The following TEAD4 variants were observed in gnomAD, a reference collection of about 807,000 sequenced individuals.
TEAD4 encodes TEA domain transcription factor 4, also known as transcriptional enhancer factor TEF-3.
TEAD4 carries 36 observed loss-of-function variants against 52.4 expected under a neutral mutation model. That is an observed-to-expected ratio of 0.69 (90% CI 0.53 to 0.91). The LOEUF (loss-of-function observed/expected upper bound fraction) is 0.91, where lower values mean the gene tolerates loss of function less well. Ranked by LOEUF, TEAD4 falls within the 40% of genes least tolerant of loss-of-function variation. The probability of loss-of-function intolerance (pLI) is 0.00; values close to 1 mark genes in which losing one functional copy is unlikely to be tolerated. For missense variants in TEAD4, 508 were observed against 583.9 expected, an observed-to-expected ratio of 0.87 and a Z score of 1.34; for synonymous variants, 220 against 231.0, an observed-to-expected ratio of 0.95 and a Z score of 0.43.
At chr12:2,982,067 C>T (rs891785246) in intron 2 of TEAD4, among the ~76,000 whole-genome samples, 2 of 152,026 alleles carry the variant, frequency 1.3e-5, no homozygotes, top group Non-Finnish European at 2.9e-5. Flanking sequence ...AGGGAGAGGA[C>T]GTCAGGTTGG....
intron 2 of TEAD4, among the ~76,000 whole-genome samples, chr12:2,992,833 G>A (rs2098244254): frequency 6.6e-6 from 1 of 152,134 alleles, no homozygotes; most frequent in Non-Finnish European, 1.5e-5. Context: ...TAAGATTACT[G>A]GTATGTCCTG....
intron 2 of TEAD4, among the ~76,000 whole-genome samples, chr12:2,986,906 A>G (rs1241702062): frequency 6.6e-6 from 1 of 152,174 alleles, no homozygotes; most frequent in Admixed American, 6.5e-5. Context: ...TTTCAGCTCC[A>G]TTATCATCTT....
chr12:3,011,057 A>C lies in TEAD4; in HGVS notation c.280A>C (p.Thr94Pro). The C allele has an allele frequency of 6.2e-7, 1 of 1,614,050 alleles. No homozygotes were observed. Among genetic ancestry groups the C allele is most frequent in the Non-Finnish European group, 8.5e-7 (1 of 1,179,984 alleles). Residue 94 changes from threonine to proline, a missense_variant, in exon 4 of 13, where the codon ACC becomes CCC. By Grantham distance (38) the Thr-to-Pro change is conservative (BLOSUM62 -1). Coordinates refer to ENST00000359864, the MANE Select transcript of TEAD4 (RefSeq NM_003213.4). ...CAAGCTCCGGACAGGGAAGACCCGC[A>C]CCAGGAAGCAGGTGGGCCTCAAGAG...
intron 2 of TEAD4, among the ~76,000 whole-genome samples, chr12:2,988,337 AC>A (rs556871168): frequency 6.6e-6 from 1 of 151,796 alleles, no homozygotes; most frequent in African/African-American, 2.4e-5. Flanking sequence ...ACATGGCGAA[AC>A]CCCGTCCCTA....
chr12:2,988,378 G>A (rs1324259649), intron 2 of TEAD4, among the ~76,000 whole-genome samples: 6 of 151,190 alleles, frequency 4.0e-5, no homozygotes, highest in African/African-American at 1.5e-4. Flanking sequence ...AATTAGCCGG[G>A]TGAGGTGGCG....
chr12:2,966,491 A>G lies in TEAD4; in HGVS notation c.-30+6451A>G, dbSNP rs541299460. Among the ~76,000 whole-genome samples the G allele has an allele frequency of 2.0e-5, 3 of 150,630 alleles. No homozygotes were observed. In the South Asian group the frequency reaches 6.3e-4, roughly 32 times the overall value. ...AGTGGCGTGATCTTGGCTCACTGCA[A>G]CCTCTGCCTCCTGGGTTCAAGCAAT... On this transcript the variant is annotated intron_variant, in intron 2 of 12. Transcript: ENST00000359864.
At chr12:2,966,934 C>T (rs1446784737) in intron 2 of TEAD4, among the ~76,000 whole-genome samples, 1 of 151,998 alleles carries the variant, frequency 6.6e-6, no homozygotes, top group Non-Finnish European at 1.5e-5. Flanking sequence ...CTTGAACTCC[C>T]GACCTCAGGC....
At chr12:3,008,746 C>G (rs1055534927) in intron 3 of TEAD4, among the ~76,000 whole-genome samples, 20 of 152,146 alleles carry the variant, frequency 1.3e-4, no homozygotes, top group Admixed American at 1.1e-3. Context: ...TGAATGGAGG[C>G]ATAGTCTCTT....
intron 10 of TEAD4, among the ~76,000 whole-genome samples, chr12:3,033,941 G>A (rs1479711590): frequency 6.8e-6 from 1 of 147,884 alleles, no homozygotes; most frequent in African/African-American, 2.7e-5. Context: ...CTGAGGACGA[G>A]TCGAGGTGCT....
At chr12:2,965,320 G>C (rs1591550819) in intron 2 of TEAD4, among the ~76,000 whole-genome samples, 1 of 151,394 alleles carries the variant, frequency 6.6e-6, no homozygotes, top group East Asian at 2.0e-4. Flanking sequence ...ACCACACCTG[G>C]CTAATTTGTA....
chr12:2,983,315 G>A (rs2098235607), intron 2 of TEAD4, among the ~76,000 whole-genome samples: 1 of 152,118 alleles, frequency 6.6e-6, no homozygotes, highest in African/African-American at 2.4e-5. Context: ...ATCTCACTAT[G>A]TCATCTCTCC....
At chr12:2,997,183 A>G (rs1354042447) in intron 3 of TEAD4, among the ~76,000 whole-genome samples, 2 of 152,186 alleles carry the variant, frequency 1.3e-5, no homozygotes, top group African/African-American at 4.8e-5. Flanking sequence ...CTTCAGCTCC[A>G]GGAGTTACAT....
chr12:2,986,264 T>C (rs1405216744), intron 2 of TEAD4, among the ~76,000 whole-genome samples: 4 of 152,072 alleles, frequency 2.6e-5, no homozygotes, highest in Admixed American at 2.6e-4. Flanking sequence ...AGTGTCTTTT[T>C]CTGGAATGCC....
intron 10 of TEAD4, among the ~76,000 whole-genome samples, chr12:3,024,782 C>A (rs2098271033): frequency 6.6e-6 from 1 of 151,890 alleles, no homozygotes; most frequent in Non-Finnish European, 1.5e-5. Context: ...TTTTAATAAG[C>A]CTATTCTTAA....
At chr12:3,002,873 G>A (rs1356867756) in intron 3 of TEAD4, among the ~76,000 whole-genome samples, 8 of 152,196 alleles carry the variant, frequency 5.3e-5, no homozygotes, top group Admixed American at 1.3e-4. Flanking sequence ...TTCACCAGAA[G>A]CCTCAGAGCC....
At chr12:3,009,008 T>C (rs530044606) in intron 3 of TEAD4, among the ~76,000 whole-genome samples, 25 of 152,362 alleles carry the variant, frequency 1.6e-4, no homozygotes, top group African/African-American at 5.5e-4. Context: ...TAGAGCATGT[T>C]CATTTTACCG....
intron 5 of TEAD4, among the ~76,000 whole-genome samples, chr12:3,015,625 C>A (rs1002930689): frequency 2.0e-5 from 3 of 152,190 alleles, no homozygotes; most frequent in Non-Finnish European, 4.4e-5. Context: ...GAAGAGCTGG[C>A]GAGCTGCAGG....
At chr12:2,992,611 C>T (rs1222262050) in intron 2 of TEAD4, among the ~76,000 whole-genome samples, 1 of 152,170 alleles carries the variant, frequency 6.6e-6, no homozygotes, top group Admixed American at 6.6e-5. Flanking sequence ...TGGTCGAACT[C>T]AGGGGTTTAG....
chr12:3,031,428 C>T (rs573100955), intron 10 of TEAD4, among the ~76,000 whole-genome samples: 5 of 152,296 alleles, frequency 3.3e-5, no homozygotes, highest in Non-Finnish European at 7.4e-5. Context: ...TGTCCGGGAC[C>T]CTCTTGCACT....
Sources: gnomAD v4.1 joint callset for allele counts (sites outside exome capture counted in the v4.1 genomes callset) on GRCh38, gnomAD v4.1.1 for gene constraint, MANE v1.5 for transcripts, NCBI Gene and HGNC (gene_info 2026-07-23, HGNC 2026-07-21) for gene names.